Variants in TRIQK observed in about 807,000 individuals in gnomAD.
TRIQK encodes triple QxxK/R motif-containing protein.
TRIQK carries 10 observed loss-of-function variants against 10.8 expected under a neutral mutation model. The observed-to-expected ratio is 0.92, with a 90% CI of 0.57 to 1.57. The LOEUF (loss-of-function observed/expected upper bound fraction) is 1.57. TRIQK is among the 40% of genes most tolerant of loss of function. The pLI is 0.00. For missense variants in TRIQK, 107 were observed against 97.7 expected, an observed-to-expected ratio of 1.09 and a Z score of -0.40; for synonymous variants, 33 against 33.7, an observed-to-expected ratio of 0.98 and a Z score of 0.07.
rs558691973 is a variant in TRIQK, at chr8:92,947,255, T to C, written c.-22+7151A>G. On this transcript the variant is annotated intron_variant, in intron 2 of 4. Coordinates refer to ENST00000521988, the MANE Select transcript of TRIQK (RefSeq NM_001171797.2). ...CCTCTCTCAACAGTGTTTATATATATATATATACACTCAAGTTTGGACTTT... is the reference window on the plus strand; with the variant it reads ...CCTCTCTCAACAGTGTTTATATATACATATATACACTCAAGTTTGGACTTT... Among the ~76,000 whole-genome samples the C allele has an allele frequency of 3.3e-5, 5 of 151,722 alleles. No individual in the cohort carries two copies. The East Asian group carries it at 7.8e-4, about 24-fold the overall frequency.
chr8:92,983,967 T>C (rs989311697), intron 1 of TRIQK, among the ~76,000 whole-genome samples: 2 of 152,092 alleles, frequency 1.3e-5, no homozygotes, highest in Non-Finnish European at 2.9e-5. Context: ...CCTAATTCTG[T>C]AAATTTGGTC....
intron 3 of TRIQK, among the ~76,000 whole-genome samples, chr8:92,902,943 T>C (rs1048200802): frequency 1.3e-5 from 2 of 151,916 alleles, no homozygotes; most frequent in Admixed American, 1.3e-4. Context: ...CCCTAGAAAT[T>C]ATAAAATATA....
At chr8:92,978,177 A>G (rs984572945) in intron 1 of TRIQK, among the ~76,000 whole-genome samples, 7 of 151,996 alleles carry the variant, frequency 4.6e-5, no homozygotes, top group African/African-American at 1.7e-4. Flanking sequence ...AGCTGCTTTG[A>G]CTTTGCCAGA....
intron 4 of TRIQK, among the ~76,000 whole-genome samples, chr8:92,888,740 G>A (rs969037693): frequency 6.6e-6 from 1 of 151,546 alleles, no homozygotes; most frequent in African/African-American, 2.4e-5. Flanking sequence ...CTCATCCCAA[G>A]GGGTTGTGGG....
At chr8:92,983,076 T>G (rs535449069) in intron 1 of TRIQK, among the ~76,000 whole-genome samples, 12 of 152,174 alleles carry the variant, frequency 7.9e-5, no homozygotes, top group African/African-American at 2.9e-4. Flanking sequence ...ACAAATACAA[T>G]GAAGCCATGG....
intron 3 of TRIQK, among the ~76,000 whole-genome samples, chr8:92,901,780 C>T (rs1245698327): frequency 6.6e-6 from 1 of 152,026 alleles, no homozygotes; most frequent in Non-Finnish European, 1.5e-5. Flanking sequence ...GAAAGTATTC[C>T]TTTCTCCCCT....
intron 2 of TRIQK, among the ~76,000 whole-genome samples, chr8:92,930,434 C>CCAAACAAA (rs1810661361): frequency 6.9e-6 from 1 of 145,054 alleles, no homozygotes; most frequent in Admixed American, 6.9e-5. Flanking sequence ...TAATATGATA[C>CCAAACAAA]CAAACAAATG....
At chr8:92,962,116 T>C (rs1338609808) in intron 1 of TRIQK, among the ~76,000 whole-genome samples, 2 of 152,192 alleles carry the variant, frequency 1.3e-5, no homozygotes, top group African/African-American at 4.8e-5. Context: ...TATAAATATA[T>C]ATAATGGTAT....
chr8:93,003,469 C>T (rs1224611742), intron 1 of TRIQK, among the ~76,000 whole-genome samples: 1 of 152,146 alleles, frequency 6.6e-6, no homozygotes, highest in Non-Finnish European at 1.5e-5. Context: ...CTATTTCCCT[C>T]CCCCATCACT....
intron 1 of TRIQK, among the ~76,000 whole-genome samples, chr8:92,979,023 G>A (rs1812959742): frequency 1.3e-5 from 2 of 152,072 alleles, no homozygotes; most frequent in South Asian, 4.1e-4. Context: ...TCAAAAATCT[G>A]TGGGTCAAGA....
At chr8:92,900,409 T>G (rs746058598) in intron 3 of TRIQK, among the ~76,000 whole-genome samples, 65 of 152,292 alleles carry the variant, frequency 4.3e-4, no homozygotes, top group Admixed American at 1.2e-3. Context: ...TTTGATTTGA[T>G]TTTTGTATAT....
chr8:93,015,195 ATT>A (rs1220313011), intron 1 of TRIQK, among the ~76,000 whole-genome samples: 2 of 151,818 alleles, frequency 1.3e-5, no homozygotes, highest in Non-Finnish European at 2.9e-5. Flanking sequence ...GTAATTAAAA[ATT>A]TGTTTTACTT....
In TRIQK at chr8:92,884,411, A is replaced by C. The variant is rs1270167080; in HGVS notation, c.*2211T>G. 5.8e-6 allele frequency: 1 copy of C among 172,446 alleles called. No individual in the cohort carries two copies. Among genetic ancestry groups the C allele is most frequent in the Non-Finnish European group, 1.3e-5 (1 of 79,576 alleles). The allele number at this position is 172,446 out of a possible 1,614,324, so 10.7% of individuals were successfully genotyped here. ...ACTTTACCTACTATTTACTAAAATC[A>C]GAGAGTTTAGCCTTTGAAATTTATG... On this transcript the variant is annotated 3_prime_UTR_variant, in exon 5 of 5. Transcript: ENST00000521988.
At chr8:92,900,554 G>T (rs988122544) in intron 3 of TRIQK, among the ~76,000 whole-genome samples, 1 of 152,096 alleles carries the variant, frequency 6.6e-6, no homozygotes, top group Non-Finnish European at 1.5e-5. Flanking sequence ...CACTGTAGAT[G>T]TAAGAATTTG....
At position 92,892,126 on chromosome 8, in the gene TRIQK, T is replaced by C. The variant is rs995349298; in HGVS notation, c.62-52A>G. On this transcript the variant is annotated intron_variant, in intron 3 of 4. Transcript: ENST00000521988. ...AGTTATGCTCATATATAATTAAGTT[T>C]AACAATCATTTGAAATGTCAAAGAA... is the stretch of plus-strand genomic sequence containing the variant. 5 of 1,226,610 alleles carry C rather than the reference T, an allele frequency of 4.1e-6. No homozygotes were observed. In the South Asian group the frequency reaches 7.0e-5, roughly 17 times the overall value. The allele number at this position is 1,226,610 out of a possible 1,614,324, so 76.0% of individuals were successfully genotyped here. A position where few individuals can be genotyped will look rare whatever the true frequency, so the allele number is the denominator to read the frequency against.
chr8:92,999,617 T>G (rs1034582633), intron 1 of TRIQK, among the ~76,000 whole-genome samples: 8 of 152,196 alleles, frequency 5.3e-5, no homozygotes, highest in Admixed American at 2.6e-4. Flanking sequence ...ATTTGTGGAC[T>G]TCGTTAATTT....
At chr8:92,999,782 A>G (rs1813189555) in intron 1 of TRIQK, among the ~76,000 whole-genome samples, 1 of 152,152 alleles carries the variant, frequency 6.6e-6, no homozygotes, top group African/African-American at 2.4e-5. Flanking sequence ...GTTTGATCAA[A>G]TTGTATTTGA....
At chr8:92,898,625 T>C (rs1236748157) in intron 3 of TRIQK, among the ~76,000 whole-genome samples, 1 of 151,796 alleles carries the variant, frequency 6.6e-6, no homozygotes, top group Non-Finnish European at 1.5e-5. Context: ...TATCATCACA[T>C]TTAAAGTTAG....
At chr8:93,004,361 G>T (rs1306449934) in intron 1 of TRIQK, among the ~76,000 whole-genome samples, 2 of 152,186 alleles carry the variant, frequency 1.3e-5, no homozygotes, top group Non-Finnish European at 2.9e-5. Flanking sequence ...GCCACAGCTG[G>T]ATCTGGAGTG....
Sources: allele counts gnomAD v4.1 joint callset (sites outside exome capture counted in the v4.1 genomes callset), GRCh38; gene constraint gnomAD v4.1.1; transcripts MANE v1.5; gene names NCBI Gene and HGNC (gene_info 2026-07-23, HGNC 2026-07-21).